The following SDC2 variants were observed in gnomAD, a reference collection of about 807,000 sequenced individuals.
SDC2 encodes syndecan 2, also known as syndecan-2.
A neutral mutation model predicts 22.2 loss-of-function variants in SDC2; 13 were observed. The ratio of observed to expected loss-of-function variants is 0.59; its 90% confidence interval spans 0.38 to 0.93. The LOEUF (loss-of-function observed/expected upper bound fraction) is 0.93, where lower values mean the gene tolerates loss of function less well. SDC2 is among the 40% of genes least tolerant of loss of function. The pLI is 0.00. For missense variants in SDC2, 235 were observed against 246.8 expected (o/e 0.95, Z 0.32); for synonymous variants, 94 against 92.8 (o/e 1.01, Z -0.07).
chr8:96,511,153 A>G (rs1047084544), intron 1 of SDC2, among the ~76,000 whole-genome samples: 4 of 152,160 alleles, frequency 2.6e-5, no homozygotes, highest in Non-Finnish European at 5.9e-5. Flanking sequence ...ATCCTTCTGC[A>G]TGCTAACGTT....
intron 1 of SDC2, among the ~76,000 whole-genome samples, chr8:96,498,550 C>T (rs888100606): frequency 6.6e-6 from 1 of 151,850 alleles, no homozygotes; most frequent in Non-Finnish European, 1.5e-5. Flanking sequence ...ACCACCACCT[C>T]ACTGCAGCCA....
At chr8:96,509,596 A>T (rs1397127674) in intron 1 of SDC2, among the ~76,000 whole-genome samples, 1 of 143,546 alleles carries the variant, frequency 7.0e-6, no homozygotes, top group African/African-American at 2.5e-5. Flanking sequence ...TTTAAAAACT[A>T]TTCATGCCTT....
At chr8:96,565,097 T>TTTTTTTTTTTTG (rs1329448270) in intron 1 of SDC2, among the ~76,000 whole-genome samples, 7 of 128,628 alleles carry the variant, frequency 5.4e-5, no homozygotes, top group African/African-American at 2.2e-4. Context: ...TTTTTTTTTT[T>TTTTTTTTTTTTG]TTGTTGAGAT....
At chr8:96,507,277 C>CTT (rs1813256993) in intron 1 of SDC2, among the ~76,000 whole-genome samples, 1 of 152,190 alleles carries the variant, frequency 6.6e-6, no homozygotes, top group African/African-American at 2.4e-5. Flanking sequence ...TTTCTGGCTG[C>CTT]TTCTACTCCC....
At chr8:96,602,265 G>A (rs1343707469) in intron 2 of SDC2, 130 bp from the exon 3 acceptor site, 1 of 911,588 alleles carries the variant, frequency 1.1e-6, no homozygotes, top group Non-Finnish European at 1.7e-6. Context: ...GCTTTGTGCT[G>A]AAGTCTTAAA....
At chr8:96,606,982 C>G (rs187456179) in intron 3 of SDC2, among the ~76,000 whole-genome samples, 46 of 152,276 alleles carry the variant, frequency 3.0e-4, no homozygotes, top group African/African-American at 1.0e-3. Flanking sequence ...TGAGCATTAC[C>G]ACCTGAGCTC....
At chr8:96,549,044 T>C (rs1813982610) in intron 1 of SDC2, among the ~76,000 whole-genome samples, 1 of 152,172 alleles carries the variant, frequency 6.6e-6, no homozygotes, top group Non-Finnish European at 1.5e-5. Context: ...TAAATTGAAC[T>C]CGAAGGTGCC....
At chr8:96,554,558 C>T (rs1341924294) in intron 1 of SDC2, among the ~76,000 whole-genome samples, 3 of 152,072 alleles carry the variant, frequency 2.0e-5, no homozygotes, top group Non-Finnish European at 4.4e-5. Flanking sequence ...ATTTCACATA[C>T]TTTTATCTGG....
At chr8:96,544,218 GATGTGT>G (rs1813896591) in intron 1 of SDC2, among the ~76,000 whole-genome samples, 2 of 152,276 alleles carry the variant, frequency 1.3e-5, no homozygotes, top group South Asian at 2.1e-4. Flanking sequence ...GGGCTAATTG[GATGTGT>G]ACTTACCTAT....
At chr8:96,603,393 G>T (rs567588485) in intron 3 of SDC2, among the ~76,000 whole-genome samples, 4 of 152,208 alleles carry the variant, frequency 2.6e-5, no homozygotes, top group Non-Finnish European at 5.9e-5. Context: ...TTCACCAAAT[G>T]AGCATGTGTA....
chr8:96,572,175 C>G (rs950997311), intron 1 of SDC2, among the ~76,000 whole-genome samples: 2 of 152,148 alleles, frequency 1.3e-5, no homozygotes, highest in African/African-American at 4.8e-5. Context: ...CAATGAGAGG[C>G]AACCCTACAG....
chr8:96,584,512 G>A (rs1019205718), intron 1 of SDC2, among the ~76,000 whole-genome samples: 2 of 152,166 alleles, frequency 1.3e-5, no homozygotes, highest in African/African-American at 2.4e-5. Flanking sequence ...TTCTGAATAC[G>A]AAATAAATTC....
chr8:96,508,227 C>T (rs1312978634), intron 1 of SDC2, among the ~76,000 whole-genome samples: 6 of 151,482 alleles, frequency 4.0e-5, no homozygotes, highest in East Asian at 1.9e-4. Context: ...ACCCGGGAGG[C>T]GGAGCTTGCA....
At chr8:96,589,082 G>T (rs945274518) in intron 1 of SDC2, among the ~76,000 whole-genome samples, 9 of 152,152 alleles carry the variant, frequency 5.9e-5, no homozygotes, top group African/African-American at 2.2e-4. Context: ...ATTAACACTT[G>T]TTCTTGTCAT....
At chr8:96,527,989 AGAT>A (rs1167722864) in intron 1 of SDC2, among the ~76,000 whole-genome samples, 2 of 152,228 alleles carry the variant, frequency 1.3e-5, no homozygotes, top group East Asian at 1.9e-4. Flanking sequence ...TGCTGATAAA[AGAT>A]GATGATGTGG....
chr8:96,581,321 T>G (rs1224539727), intron 1 of SDC2, among the ~76,000 whole-genome samples: 7 of 152,156 alleles, frequency 4.6e-5, no homozygotes, highest in Non-Finnish European at 1.0e-4. Flanking sequence ...GACCCTGATA[T>G]CATAAGAATA....
intron 1 of SDC2, among the ~76,000 whole-genome samples, chr8:96,517,756 CGT>C (rs758313330): frequency 1.3e-5 from 2 of 151,284 alleles, no homozygotes; most frequent in African/African-American, 4.8e-5. Flanking sequence ...TAAATACACA[CGT>C]TTGTGTGTGT....
intron 1 of SDC2, among the ~76,000 whole-genome samples, chr8:96,583,009 C>G (rs1297240866): frequency 6.7e-6 from 1 of 150,070 alleles, no homozygotes; most frequent in Non-Finnish European, 1.5e-5. Context: ...TGAAATGGAT[C>G]AGGAGTGGCC....
At chr8:96,605,581 A>G (rs1179809262) in intron 3 of SDC2, among the ~76,000 whole-genome samples, 1 of 152,218 alleles carries the variant, frequency 6.6e-6, no homozygotes, top group Admixed American at 6.5e-5. Flanking sequence ...AATAGAAAGG[A>G]CGGTGACATT....
Sources: allele counts gnomAD v4.1 joint callset (sites outside exome capture counted in the v4.1 genomes callset), GRCh38; gene constraint gnomAD v4.1.1; transcripts MANE v1.5; gene names NCBI Gene and HGNC (gene_info 2026-07-23, HGNC 2026-07-21).